The following LRP1B variants were observed in gnomAD, a reference collection of about 807,000 sequenced individuals.
LRP1B encodes LDL receptor related protein 1B.
In LRP1B, 217 loss-of-function variants were observed where a neutral mutation model predicts 556.6. That is an observed-to-expected ratio of 0.39 (90% CI 0.35 to 0.44). The LOEUF (loss-of-function observed/expected upper bound fraction) is 0.44. Ranked by LOEUF, LRP1B falls within the 20% of genes least tolerant of loss-of-function variation. The pLI, the probability that LRP1B is intolerant of heterozygous loss-of-function variation, is 1.00. For synonymous variants in LRP1B, 2,047 were observed against 1,865.8 expected (o/e 1.10, Z -2.50); for missense variants, 5,053 against 5,620.8 (o/e 0.90, Z 3.23).
chr2:142,117,681 A>G (rs11693460), intron 1 of LRP1B, among the ~76,000 whole-genome samples: 32,794 of 151,914 alleles, frequency 0.22, 3,768 homozygotes, highest in Middle Eastern at 0.43. Flanking sequence ...TTATCTTGAT[A>G]GGCAATATTT....
At chr2:142,037,668 C>T (rs1033380257) in intron 1 of LRP1B, among the ~76,000 whole-genome samples, 7 of 151,634 alleles carry the variant, frequency 4.6e-5, no homozygotes, top group South Asian at 2.1e-4. Flanking sequence ...CCTGCCCAGT[C>T]GCTGCATTGT....
At chr2:140,953,484 A>G (rs1695781516) in intron 18 of LRP1B, among the ~76,000 whole-genome samples, 1 of 152,176 alleles carries the variant, frequency 6.6e-6, no homozygotes, top group African/African-American at 2.4e-5. Context: ...AGAATCATAG[A>G]ATATATTTGA....
chr2:141,689,649 TC>T (rs1002624845), intron 2 of LRP1B, among the ~76,000 whole-genome samples: 22 of 151,886 alleles, frequency 1.4e-4, no homozygotes, highest in South Asian at 6.2e-4. Context: ...TAGATCATTT[TC>T]TTCTCTTTTA....
chr2:142,129,584 T>TTCTCTC (rs56034357), intron 1 of LRP1B, among the ~76,000 whole-genome samples: 125 of 134,800 alleles, frequency 9.3e-4, no homozygotes, highest in East Asian at 6.5e-3. Context: ...CTTTCTCTCT[T>TTCTCTC]TCTCTCTCTC....
chr2:141,949,815 G>C (rs1223273172), intron 1 of LRP1B, among the ~76,000 whole-genome samples: 1 of 152,092 alleles, frequency 6.6e-6, no homozygotes, highest in Non-Finnish European at 1.5e-5. Flanking sequence ...TCTTTGCTCT[G>C]TTCTATCTTT....
chr2:142,031,970 GA>G (rs1180071726), intron 1 of LRP1B, among the ~76,000 whole-genome samples: 1 of 151,808 alleles, frequency 6.6e-6, no homozygotes, highest in Non-Finnish European at 1.5e-5. Context: ...ACAAGACAAG[GA>G]ACTACCAGAA....
intron 3 of LRP1B, among the ~76,000 whole-genome samples, chr2:141,361,470 T>G (rs1688824317): frequency 6.6e-6 from 1 of 152,156 alleles, no homozygotes; most frequent in Non-Finnish European, 1.5e-5. Context: ...TCTGCATTTC[T>G]CAGCAGTGAT....
intron 58 of LRP1B, 25 bp from the exon 59 acceptor site, chr2:140,485,549 T>C (rs537925302): frequency 6.4e-7 from 1 of 1,572,586 alleles, no homozygotes; most frequent in South Asian, 1.1e-5. Context: ...TTTAAAAGGT[T>C]AACAGCGTAA....
At chr2:141,240,430 A>G (rs1009732563) in intron 5 of LRP1B, among the ~76,000 whole-genome samples, 3 of 152,066 alleles carry the variant, frequency 2.0e-5, no homozygotes, top group Non-Finnish European at 2.9e-5. Flanking sequence ...GAGGATTTCA[A>G]TAGTGATATA....
intron 77 of LRP1B, among the ~76,000 whole-genome samples, chr2:140,347,933 C>CGTGTTTACATGGCACAA (rs1204995333): frequency 6.6e-6 from 1 of 151,906 alleles, no homozygotes; most frequent in Non-Finnish European, 1.5e-5. Flanking sequence ...TAGAAGAACA[C>CGTGTTTACATGGCACAA]GTGTTTACAT....
chr2:141,037,862 A>C (rs1698578272), intron 11 of LRP1B, among the ~76,000 whole-genome samples: 1 of 151,666 alleles, frequency 6.6e-6, no homozygotes, highest in Non-Finnish European at 1.5e-5. Context: ...ACAGACACAC[A>C]CAGACACATG....
intron 84 of LRP1B, among the ~76,000 whole-genome samples, chr2:140,285,244 C>CAT (rs1167394464): frequency 3.3e-5 from 5 of 149,438 alleles, no homozygotes; most frequent in Non-Finnish European, 5.9e-5. Flanking sequence ...TGTATCTACA[C>CAT]ATATATATAC....
At chr2:141,578,264 C>T (rs1686829810) in intron 2 of LRP1B, among the ~76,000 whole-genome samples, 1 of 151,910 alleles carries the variant, frequency 6.6e-6, no homozygotes, top group South Asian at 2.1e-4. Flanking sequence ...GGCGTGGTGG[C>T]ACATGCCTGT....
intron 1 of LRP1B, among the ~76,000 whole-genome samples, chr2:141,935,678 T>G (rs1255708753): frequency 6.6e-6 from 1 of 152,222 alleles, no homozygotes; most frequent in East Asian, 1.9e-4. Flanking sequence ...AACATCTAGC[T>G]GCTCGCTATC....
chr2:140,855,556 A>G (rs72924971), intron 27 of LRP1B, among the ~76,000 whole-genome samples: 9,193 of 149,836 alleles, frequency 0.061, 409 homozygotes, highest in Admixed American at 0.094. Flanking sequence ...TTTATCTCCT[A>G]CTATTAATGT....
intron 7 of LRP1B, among the ~76,000 whole-genome samples, chr2:141,065,770 T>C (rs1053296876): frequency 5.9e-5 from 9 of 151,792 alleles, no homozygotes; most frequent in Non-Finnish European, 1.5e-5. Context: ...CATTCCACCA[T>C]ATTTGATGTT....
At chr2:140,453,556 T>G (rs1686967659) in intron 62 of LRP1B, among the ~76,000 whole-genome samples, 1 of 152,130 alleles carries the variant, frequency 6.6e-6, no homozygotes, top group South Asian at 2.1e-4. Context: ...ATGTGTCTAC[T>G]AATATGAATA....
intron 2 of LRP1B, among the ~76,000 whole-genome samples, chr2:141,732,648 G>A (rs574223542): frequency 1.2e-4 from 19 of 152,154 alleles, no homozygotes; most frequent in African/African-American, 4.3e-4. Context: ...GATTTCACCA[G>A]AAAATGATCG....
At chr2:141,280,317 A>G (rs1468166672) in intron 3 of LRP1B, among the ~76,000 whole-genome samples, 3 of 152,110 alleles carry the variant, frequency 2.0e-5, no homozygotes, top group Non-Finnish European at 4.4e-5. Flanking sequence ...ATAAGACACA[A>G]GGTGAAAATT....
Sources: allele counts gnomAD v4.1 joint callset (sites outside exome capture counted in the v4.1 genomes callset), GRCh38; gene constraint gnomAD v4.1.1; transcripts MANE v1.5; gene names NCBI Gene and HGNC (gene_info 2026-07-23, HGNC 2026-07-21).